The following IL1RAPL1 variants were observed in gnomAD, a reference collection of about 807,000 sequenced individuals.
IL1RAPL1 encodes interleukin 1 receptor accessory protein like 1.
In IL1RAPL1, 3 loss-of-function variants were observed where a neutral mutation model predicts 48.4. That is an observed-to-expected ratio of 0.06 (90% CI 0.03 to 0.16). IL1RAPL1 has a LOEUF of 0.16. IL1RAPL1 is among the 10% of genes least tolerant of loss of function. IL1RAPL1 has a pLI of 1.00. For missense variants in IL1RAPL1, 349 were observed against 530.6 expected, an observed-to-expected ratio of 0.66 and a Z score of 3.36; for synonymous variants, 185 against 187.7, an observed-to-expected ratio of 0.99 and a Z score of 0.12.
At chrX:29,503,739 TC>T (rs1275411828) in intron 5 of IL1RAPL1, among the ~76,000 whole-genome samples, 2 of 110,944 alleles carry the variant, frequency 1.8e-5, no homozygotes, top group African/African-American at 6.6e-5. Context: ...AGCCCTGACA[TC>T]CTGGGCTCAA....
rs773971490 is a variant in IL1RAPL1 at position 29,503,922 on chromosome X, A to G, written c.703+104614A>G. On this transcript the variant is annotated intron_variant, in intron 5 of 10. Transcript: ENST00000378993. The stretch of plus-strand genomic sequence containing the variant: ...TGCCTCAGCCTCTCAAAGTGCTAGG[A>G]TAATAAGCAGGAGCCACCAAGCCCA... Among the ~76,000 whole-genome samples the G allele has an allele frequency of 7.9e-3, 853 of 108,149 alleles. 8 individuals carry two copies. The highest frequency in any genetic ancestry group is 0.027 in the African/African-American group (812 of 29,736). 93.9% of individuals were successfully genotyped at this position (108,149 alleles called of 115,157 possible). A position where few individuals can be genotyped will look rare whatever the true frequency, so the allele number is the denominator to read the frequency against.
At chrX:29,713,255 C>T (rs774772622) in intron 6 of IL1RAPL1, among the ~76,000 whole-genome samples, 3 of 111,567 alleles carry the variant, frequency 2.7e-5, no homozygotes, top group South Asian at 7.5e-4. Context: ...AGAGTAACTT[C>T]GTAATAATTA....
At chrX:28,765,532 GATATC>G (rs1259742948) in intron 1 of IL1RAPL1, among the ~76,000 whole-genome samples, 1 of 111,083 alleles carries the variant, frequency 9.0e-6, no homozygotes, top group Non-Finnish European at 1.9e-5. Context: ...AGAAGAAAAT[GATATC>G]ATGAGCGAAA....
chrX:28,728,556 A>G (rs1935710667), intron 1 of IL1RAPL1, among the ~76,000 whole-genome samples: 1 of 111,762 alleles, frequency 8.9e-6, no homozygotes, highest in Non-Finnish European at 1.9e-5. Context: ...CAGGAAAGGG[A>G]AACTCCAAGA....
At chrX:29,810,151 C>T (rs1292063418) in intron 6 of IL1RAPL1, among the ~76,000 whole-genome samples, 1 of 107,097 alleles carries the variant, frequency 9.3e-6, no homozygotes, top group Non-Finnish European at 1.9e-5. Flanking sequence ...TACATAGCAG[C>T]ACATTTCCTT....
At chrX:28,985,640 C>G (rs903561012) in intron 2 of IL1RAPL1, among the ~76,000 whole-genome samples, 7 of 109,533 alleles carry the variant, frequency 6.4e-5, no homozygotes, top group African/African-American at 2.0e-4. Flanking sequence ...ACATTTCCAT[C>G]TTTACCTAAC....
intron 6 of IL1RAPL1, among the ~76,000 whole-genome samples, chrX:29,813,320 C>T (rs1470086966): frequency 4.5e-5 from 5 of 111,161 alleles, no homozygotes; most frequent in African/African-American, 1.6e-4. Context: ...GGCACTATGT[C>T]TTCTGTTTTA....
At chrX:29,565,622 T>C (rs1264241174) in intron 5 of IL1RAPL1, among the ~76,000 whole-genome samples, 1 of 112,215 alleles carries the variant, frequency 8.9e-6, no homozygotes, top group Non-Finnish European at 1.9e-5. Flanking sequence ...GCGTAAATTC[T>C]AAATTGTCAG....
chrX:28,618,351 T>A (rs1396947758), intron 1 of IL1RAPL1, among the ~76,000 whole-genome samples: 1 of 112,575 alleles, frequency 8.9e-6, no homozygotes, highest in Non-Finnish European at 1.9e-5. Flanking sequence ...CTCCTGCTTT[T>A]ATCTTAGAAG....
chrX:29,184,102 A>C (rs2147522639), intron 2 of IL1RAPL1, among the ~76,000 whole-genome samples: 1 of 111,834 alleles, frequency 8.9e-6, no homozygotes, highest in South Asian at 3.7e-4. Context: ...TTCTTTAGGA[A>C]CCCATTTCAA....
chrX:29,931,543 T>C (rs1418563056), intron 8 of IL1RAPL1, among the ~76,000 whole-genome samples: 2 of 112,489 alleles, frequency 1.8e-5, no homozygotes, highest in Non-Finnish European at 3.8e-5. Context: ...AGTTTATTAA[T>C]GTATCCCATT....
intron 2 of IL1RAPL1, among the ~76,000 whole-genome samples, chrX:29,077,608 G>GAAAAAA (rs529366182): frequency 1.5e-4 from 6 of 41,355 alleles, no homozygotes; most frequent in Non-Finnish European, 4.2e-5. Context: ...GTCTCAAAAA[G>GAAAAAA]AAAAAAAAAA....
chrX:29,854,067 C>T (rs1309017604), intron 6 of IL1RAPL1, among the ~76,000 whole-genome samples: 2 of 112,067 alleles, frequency 1.8e-5, no homozygotes, highest in Non-Finnish European at 3.8e-5. Context: ...ATTCTCCTTC[C>T]AAATTTTCGA....
intron 2 of IL1RAPL1, among the ~76,000 whole-genome samples, chrX:28,843,029 C>G (rs1402447690): frequency 9.1e-6 from 1 of 109,738 alleles, no homozygotes; most frequent in Admixed American, 9.8e-5. Context: ...TTAGCTCAAG[C>G]AATTTCGTGT....
intron 3 of IL1RAPL1, among the ~76,000 whole-genome samples, chrX:29,294,541 T>C (rs182942685): frequency 9.2e-6 from 1 of 108,950 alleles, no homozygotes; most frequent in African/African-American, 3.3e-5. Flanking sequence ...AAAGTAAAAT[T>C]GTAAAAAATT....
At chrX:29,342,000 G>C (rs914137271) in intron 3 of IL1RAPL1, among the ~76,000 whole-genome samples, 1 of 109,714 alleles carries the variant, frequency 9.1e-6, no homozygotes, top group Non-Finnish European at 1.9e-5. Context: ...CTAGAGACGG[G>C]GTTTCACCAT....
At chrX:29,881,191 C>A (rs1932023115) in intron 6 of IL1RAPL1, among the ~76,000 whole-genome samples, 1 of 110,862 alleles carries the variant, frequency 9.0e-6, no homozygotes, top group Non-Finnish European at 1.9e-5. Flanking sequence ...ATACTCATGA[C>A]AGCACGCAGT....
chrX:29,797,749 T>C (rs896025417), intron 6 of IL1RAPL1, among the ~76,000 whole-genome samples: 1 of 111,122 alleles, frequency 9.0e-6, no homozygotes, highest in Non-Finnish European at 1.9e-5. Context: ...GGCACACACC[T>C]GTAATCCCAG....
At chrX:28,700,818 C>T (rs969967211) in intron 1 of IL1RAPL1, among the ~76,000 whole-genome samples, 1 of 110,891 alleles carries the variant, frequency 9.0e-6, no homozygotes, top group Non-Finnish European at 1.9e-5. Flanking sequence ...ATTTTCTGTT[C>T]CTGTGTTAGT....
Sources: allele counts gnomAD v4.1 joint callset (sites outside exome capture counted in the v4.1 genomes callset), GRCh38; gene constraint gnomAD v4.1.1; transcripts MANE v1.5; gene names NCBI Gene and HGNC (gene_info 2026-07-23, HGNC 2026-07-21).